Variants in ST3GAL3 observed in about 807,000 individuals in gnomAD.
ST3GAL3 encodes CMP-N-acetylneuraminate-beta-1,4-galactoside alpha-2,3-sialyltransferase.
A neutral mutation model predicts 50.1 loss-of-function variants in ST3GAL3; 21 were observed. That is an observed-to-expected ratio of 0.42 (90% CI 0.30 to 0.60). The LOEUF is 0.60. ST3GAL3 is among the 20% of genes least tolerant of loss of function. ST3GAL3 has a pLI of 0.19. For missense variants in ST3GAL3, 353 were observed against 489.4 expected (o/e 0.72, Z 2.63); for synonymous variants, 183 against 190.0 (o/e 0.96, Z 0.30).
rs148364295 is a variant in ST3GAL3 at position 43,719,934 on chromosome 1, G to GAAA, written c.-31+12268_-31+12270dup. Among the ~76,000 whole-genome samples the GAAA allele has an allele frequency of 4.3e-3, 181 of 41,744 alleles. 14 individuals carry two copies. The highest frequency in any genetic ancestry group is 0.016 in the African/African-American group (154 of 9,510). The allele number at this position is 41,744 out of a possible 152,430, so 27.4% of individuals were successfully genotyped here. ...AGCAACAGAGCAAGACTCTGTCTCA[G>GAAA]AAAAAAAAAAAAAAAAAAAAAAAAA... On this transcript the variant is annotated intron_variant, in intron 1 of 11. Coordinates refer to ENST00000347631, the MANE Select transcript of ST3GAL3 (RefSeq NM_006279.5).
chr1:43,783,769 C>G (rs528538798), intron 2 of ST3GAL3, among the ~76,000 whole-genome samples: 32 of 152,210 alleles, frequency 2.1e-4, no homozygotes, highest in African/African-American at 7.2e-4. Flanking sequence ...AGGGCAGCAG[C>G]TGGTAGAATT....
At chr1:43,904,735 C>G (rs2078874585) in intron 9 of ST3GAL3, among the ~76,000 whole-genome samples, 1 of 146,900 alleles carries the variant, frequency 6.8e-6, no homozygotes, top group Non-Finnish European at 1.5e-5. Flanking sequence ...CCTCCCCCTC[C>G]TGCTCCTCTT....
chr1:43,817,876 C>CCTT lies in ST3GAL3; in HGVS notation c.209+2945_209+2946insTCT, dbSNP rs1553352428. On this transcript the variant is annotated intron_variant, in intron 4 of 11. Transcript: ENST00000347631. ...TCCTCCTCCTCCTCTTCCTCCTCCT[C>CCTT]CTCCTCCTTCTTTCTTCTTTCTTTT... 1.2e-3 allele frequency among the ~76,000 whole-genome samples: 166 copies of CCTT among 140,762 alleles called. 3 individuals are homozygous for CCTT. Among genetic ancestry groups the CCTT allele is most frequent in the Non-Finnish European group, 1.2e-3 (79 of 65,494 alleles). 92.3% of individuals were successfully genotyped at this position (140,762 alleles called of 152,430 possible).
At chr1:43,900,755 C>T (rs2078156169) in intron 9 of ST3GAL3, 1 of 152,294 alleles carries the variant, frequency 6.6e-6, no homozygotes, top group Non-Finnish European at 1.5e-5. Context: ...ACAGCTCTTT[C>T]CCAAGCAAGG....
At position 43,853,585 on chromosome 1, in the gene ST3GAL3, C is replaced by T. The variant is rs16831302; in HGVS notation, c.302+15274C>T. 9.8e-3 allele frequency among the ~76,000 whole-genome samples: 1,486 copies of T among 152,288 alleles called. 22 individuals carry two copies. The highest frequency in any genetic ancestry group is 0.034 in the African/African-American group (1,410 of 41,558). ...GCAGGCTGGCTAGTGGCCAAGGTACCGAGGTCTACCAGATGCCTGGTGGTA... is the reference window on the plus strand; with the variant it reads ...GCAGGCTGGCTAGTGGCCAAGGTACTGAGGTCTACCAGATGCCTGGTGGTA... On this transcript the variant is annotated intron_variant, in intron 5 of 11. Coordinates refer to ENST00000347631, the MANE Select transcript of ST3GAL3 (RefSeq NM_006279.5).
chr1:43,818,690 T>A (rs1046847956), intron 4 of ST3GAL3, among the ~76,000 whole-genome samples: 1 of 152,134 alleles, frequency 6.6e-6, no homozygotes, highest in African/African-American at 2.4e-5. Context: ...TTAAATATAC[T>A]GTATTTAAAG....
At chr1:43,864,802 C>A (rs748962359) in intron 5 of ST3GAL3, among the ~76,000 whole-genome samples, 13 of 151,966 alleles carry the variant, frequency 8.6e-5, no homozygotes, top group Non-Finnish European at 1.2e-4. Flanking sequence ...AAAATGGATT[C>A]CTAGTTTCTG....
intron 5 of ST3GAL3, chr1:43,850,753 CCA>C (rs1439287837): frequency 1.3e-6 from 1 of 784,364 alleles, no homozygotes; most frequent in Non-Finnish European, 2.3e-6. Flanking sequence ...CTGCAGTTGG[CCA>C]CCACATGGTG....
intron 5 of ST3GAL3, among the ~76,000 whole-genome samples, chr1:43,844,824 C>CAA (rs2065973288): frequency 7.0e-6 from 1 of 142,392 alleles, no homozygotes; most frequent in Non-Finnish European, 1.5e-5. Context: ...AAGACTCCGT[C>CAA]TAAAAAAAAA....
intron 3 of ST3GAL3, among the ~76,000 whole-genome samples, chr1:43,808,339 A>C (rs2060150389): frequency 6.7e-6 from 1 of 149,944 alleles, no homozygotes; most frequent in South Asian, 2.1e-4. Context: ...TCAGGAGAGA[A>C]GGCTGAGCAG....
chr1:43,826,170 A>G (rs1391193675), intron 4 of ST3GAL3, among the ~76,000 whole-genome samples: 1 of 151,996 alleles, frequency 6.6e-6, no homozygotes, highest in Non-Finnish European at 1.5e-5. Flanking sequence ...AGATGGGAGG[A>G]TCACTTGAGC....
intron 9 of ST3GAL3, among the ~76,000 whole-genome samples, chr1:43,900,149 C>T (rs1372669115): frequency 1.3e-5 from 2 of 152,226 alleles, no homozygotes; most frequent in Admixed American, 6.5e-5. Flanking sequence ...CTCTTCTCCT[C>T]TGTAAGGTCT....
rs2084873846 is a variant in ST3GAL3 at position 43,930,456 on chromosome 1, C to G, written c.*235C>G. 6 of 589,950 alleles carry G rather than the reference C, an allele frequency of 1.0e-5. No homozygotes were observed. The South Asian group carries it at 1.2e-4, about 12-fold the overall frequency. The allele number at this position is 589,950 out of a possible 1,614,324, so 36.5% of individuals were successfully genotyped here. Reference sequence around the variant, plus strand: ...GAGGGCCAGCAGGCTCCTGGCTGTGCCCAGCAGGCCCAGCATGCAGGTGGT... The same window carrying G: ...GAGGGCCAGCAGGCTCCTGGCTGTGGCCAGCAGGCCCAGCATGCAGGTGGT... On this transcript the variant is annotated 3_prime_UTR_variant, in exon 12 of 12. Coordinates refer to ENST00000347631, the MANE Select transcript of ST3GAL3 (RefSeq NM_006279.5).
chr1:43,760,788 C>A (rs1210384760), intron 2 of ST3GAL3, among the ~76,000 whole-genome samples: 1 of 151,944 alleles, frequency 6.6e-6, no homozygotes, highest in Non-Finnish European at 1.5e-5. Context: ...ACTATTATTT[C>A]TTGTAGCCAA....
chr1:43,920,814 C>G lies in ST3GAL3; in HGVS notation c.924C>G (p.Thr308=). The change falls in exon 11 of 12, where the codon ACC becomes ACG. Residue 308 remains threonine (T), a synonymous_variant. Coordinates refer to ENST00000347631, the MANE Select transcript of ST3GAL3 (RefSeq NM_006279.5). ...CTACCCTTGGCAGTGTGGCAGTGACCATGGCACTACACGGCTGTGACGAGG... is the reference window on the plus strand; with the variant it reads ...CTACCCTTGGCAGTGTGGCAGTGACGATGGCACTACACGGCTGTGACGAGG... ...NIPTLGSVAV[T]MALHGCDEVA... 1 of 1,614,150 alleles carries G rather than the reference C, an allele frequency of 6.2e-7. No homozygotes were observed. The highest frequency in any genetic ancestry group is 8.5e-7 in the Non-Finnish European group (1 of 1,180,022).
Position 43,894,002 on chromosome 1 carries a change from C to T in ST3GAL3, c.303-381C>T, listed in dbSNP as rs150608623. On this transcript the variant is annotated intron_variant, in intron 5 of 11. Coordinates refer to ENST00000347631, the MANE Select transcript of ST3GAL3 (RefSeq NM_006279.5). ...TATTTTTGGATATATTTCTGCTCAA[C>T]TGGACAGTGTCTCATCTCTGTGTTC... 5.6e-4 allele frequency: 183 copies of T among 324,532 alleles called. 2 individuals carry two copies. Among genetic ancestry groups the T allele is most frequent in the African/African-American group, 3.6e-3 (170 of 46,870 alleles). 20.1% of individuals were successfully genotyped at this position (324,532 alleles called of 1,614,324 possible).
intron 1 of ST3GAL3, among the ~76,000 whole-genome samples, chr1:43,712,454 G>T (rs1665251921): frequency 6.6e-6 from 1 of 152,152 alleles, no homozygotes; most frequent in South Asian, 2.1e-4. Flanking sequence ...CTGAACATAA[G>T]CTCTGCCAGG....
At chr1:43,851,847 T>C (rs890029313) in intron 5 of ST3GAL3, among the ~76,000 whole-genome samples, 2 of 152,158 alleles carry the variant, frequency 1.3e-5, no homozygotes, top group Non-Finnish European at 2.9e-5. Flanking sequence ...CCCTGTACAC[T>C]GCCACGCACC....
At chr1:43,847,087 C>G (rs1042949816) in intron 5 of ST3GAL3, among the ~76,000 whole-genome samples, 7 of 152,122 alleles carry the variant, frequency 4.6e-5, no homozygotes, top group African/African-American at 1.7e-4. Context: ...AAGTCAAAAC[C>G]ACAGTAAGAT....
Sources: gnomAD v4.1 joint callset for allele counts (sites outside exome capture counted in the v4.1 genomes callset) on GRCh38, gnomAD v4.1.1 for gene constraint, MANE v1.5 for transcripts, NCBI Gene and HGNC (gene_info 2026-07-23, HGNC 2026-07-21) for gene names.